Variants in TRIO observed in about 807,000 individuals in gnomAD.
The protein encoded by TRIO is trio Rho guanine nucleotide exchange factor.
In TRIO, 58 loss-of-function variants were observed where a neutral mutation model predicts 351.9. The observed-to-expected ratio is 0.16, with a 90% confidence interval of 0.13 to 0.21. TRIO has a LOEUF of 0.21. Among genes scored for constraint, TRIO ranks in the 10% least tolerant of loss-of-function variants. The pLI is 1.00. For synonymous variants in TRIO, 1,758 were observed against 1,595.7 expected (o/e 1.10, Z -2.42); for missense variants, 3,201 against 4,027.8 (o/e 0.79, Z 5.56).
intron 3 of TRIO, among the ~76,000 whole-genome samples, chr5:14,284,109 TAAG>T (rs1198910001): frequency 6.6e-6 from 1 of 152,226 alleles, no homozygotes; most frequent in Non-Finnish European, 1.5e-5. Context: ...AATACTCACA[TAAG>T]AAGATACTTT....
rs576816537 is a variant in TRIO, at chr5:14,347,001, T to A, written c.2046+10274T>A. Among the ~76,000 whole-genome samples the A allele has an allele frequency of 1.3e-5, 2 of 152,304 alleles. 1 individual carries two copies. The highest frequency in any genetic ancestry group is 4.1e-4 in the South Asian group (2 of 4,820). ...GATCAGACGTGCTGACTGACAAAGG[T>A]AGTGGTGGATGATGCTGGACCAGTC... is the stretch of plus-strand genomic sequence containing the variant. On this transcript the variant is annotated intron_variant, in intron 11 of 56. Transcript: ENST00000344204.
At chr5:14,177,066 T>C (rs940997534) in intron 1 of TRIO, among the ~76,000 whole-genome samples, 1 of 152,200 alleles carries the variant, frequency 6.6e-6, no homozygotes, top group African/African-American at 2.4e-5. Context: ...ATACTGTAAT[T>C]GGGTTCCATG....
At position 14,375,728 on chromosome 5, in the gene TRIO, T is replaced by C. The variant is rs1477392833; in HGVS notation, c.3331+1385T>C. ...GTATCCAAGAGGGCGCTTAGCACTG[T>C]TTGCTGCTCACTTGCCCGAAATTAG... On this transcript the variant is annotated intron_variant, in intron 19 of 56. Transcript: ENST00000344204. Among the ~76,000 whole-genome samples the C allele has an allele frequency of 5.9e-5, 9 of 152,184 alleles. No individual in the cohort carries two copies. The East Asian group carries it at 1.5e-3, about 26-fold the overall frequency.
At chr5:14,334,626 C>A (rs187432) in intron 10 of TRIO, among the ~76,000 whole-genome samples, 67,288 of 152,014 alleles carry the variant, frequency 0.44, 16,996 homozygotes, top group East Asian at 0.6. Context: ...TAGAAATGTG[C>A]GTCTGTGGCA....
chr5:14,406,150 C>T, intron 32 of TRIO, 160 bp downstream of exon 32: 1 of 1,084,360 alleles, frequency 9.2e-7, no homozygotes. Flanking sequence ...AATGAAACTG[C>T]TTTGTCAGAG....
At position 14,143,792 on chromosome 5, in the gene TRIO, G is replaced by A. The variant is rs566570633; in HGVS notation, c.67G>A (p.Ala23Thr). 280 of 1,037,030 alleles carry A rather than the reference G, an allele frequency of 2.7e-4. No homozygotes were observed. The African/African-American group carries it at 3.5e-3, about 13-fold the overall frequency. The allele number at this position is 1,037,030 out of a possible 1,614,324, so 64.2% of individuals were successfully genotyped here. Residue 23 changes from alanine (A) to threonine (T), a missense_variant, in exon 1 of 57, where the codon GCG (alanine) becomes ACG (threonine). Coordinates refer to ENST00000344204, the MANE Select transcript of TRIO (RefSeq NM_007118.4). ...CTCCGGCCCCGCCGCGGCGGCCAGCGCGGCTGGCTCGGGCTGCGGGGGCGG... is the reference window on the plus strand; with the variant it reads ...CTCCGGCCCCGCCGCGGCGGCCAGCACGGCTGGCTCGGGCTGCGGGGGCGG... ...ASSGPAAAAS[A>T]AGSGCGGGAG...
At chr5:14,451,517 T>A (rs1359328466) in intron 34 of TRIO, among the ~76,000 whole-genome samples, 2 of 152,272 alleles carry the variant, frequency 1.3e-5, no homozygotes, top group Non-Finnish European at 2.9e-5. Context: ...CACATTTGCC[T>A]TACAGCCTCC....
At chr5:14,183,778 C>A in intron 1 of TRIO, 1 of 558,764 alleles carries the variant, frequency 1.8e-6, no homozygotes. Flanking sequence ...TTACAGCATG[C>A]TGGCTGCTCC....
intron 11 of TRIO, among the ~76,000 whole-genome samples, chr5:14,350,448 G>A (rs554552525): frequency 2.1e-4 from 32 of 152,312 alleles, no homozygotes; most frequent in African/African-American, 7.7e-4. Context: ...TTTTAGACTT[G>A]ATACTGTTTG....
Position 14,143,785 on chromosome 5 carries a change from G to C in TRIO, c.60G>C (p.Ala20=). The C allele has an allele frequency of 2.9e-6, 3 of 1,028,344 alleles. No individual in the cohort carries two copies. The highest frequency in any genetic ancestry group is 3.5e-6 in the Non-Finnish European group (3 of 859,874). The allele number at this position is 1,028,344 out of a possible 1,614,324, so 63.7% of individuals were successfully genotyped here. A position where few individuals can be genotyped will look rare whatever the true frequency, so the allele number is the denominator to read the frequency against. ...CCGCGTCCTCCGGCCCCGCCGCGGC[G>C]GCCAGCGCGGCTGGCTCGGGCTGCG... The part of the protein sequence containing the change: ...APAASSGPAA[A]ASAAGSGCGG... Residue 20 remains alanine, a synonymous_variant, in exon 1 of 57, where the codon GCG becomes GCC. Coordinates refer to ENST00000344204, the MANE Select transcript of TRIO (RefSeq NM_007118.4).
chr5:14,485,381 T>C (rs753730314), intron 47 of TRIO, 135 bp downstream of exon 47: 42 of 913,848 alleles, frequency 4.6e-5, no homozygotes, highest in African/African-American at 6.8e-5. Flanking sequence ...TGCCTAGATA[T>C]TGCTTTATTT....
intron 47 of TRIO, 122 bp downstream of exon 47, chr5:14,485,368 C>G: frequency 9.7e-7 from 1 of 1,027,698 alleles, no homozygotes; most frequent in Non-Finnish European, 1.3e-6. Context: ...ACTCTTCAGG[C>G]ACTGCCTAGA....
At chr5:14,491,765 G>T (rs1290975015) in intron 48 of TRIO, among the ~76,000 whole-genome samples, 1 of 152,128 alleles carries the variant, frequency 6.6e-6, no homozygotes, top group African/African-American at 2.4e-5. Context: ...CAGGGGCAGC[G>T]GTATAAGGGT....
chr5:14,341,444 C>G (rs552540388), intron 11 of TRIO, among the ~76,000 whole-genome samples: 1 of 152,200 alleles, frequency 6.6e-6, no homozygotes, highest in Admixed American at 6.5e-5. Context: ...TCCTTGAAGC[C>G]CAGGACCATG....
intron 1 of TRIO, among the ~76,000 whole-genome samples, chr5:14,210,200 G>T (rs1423747763): frequency 1.3e-5 from 2 of 152,248 alleles, no homozygotes; most frequent in Admixed American, 1.3e-4. Context: ...GAAGTTCTGT[G>T]TAGAAGGTTG....
At chr5:14,389,484 T>C in intron 25 of TRIO, 86 bp downstream of exon 25, 1 of 933,856 alleles carries the variant, frequency 1.1e-6, no homozygotes, top group Non-Finnish European at 1.6e-6. Flanking sequence ...TCCCATTGAA[T>C]TAAGCAGATT....
At chr5:14,364,555 A>G in intron 14 of TRIO, 95 bp from the exon 15 acceptor site, 2 of 1,461,374 alleles carry the variant, frequency 1.4e-6, no homozygotes, top group Non-Finnish European at 9.3e-7. Flanking sequence ...AGCTGGGCAG[A>G]TCATTCACAA....
chr5:14,456,332 G>A (rs529512294), intron 34 of TRIO, among the ~76,000 whole-genome samples: 3 of 152,404 alleles, frequency 2.0e-5, no homozygotes, highest in South Asian at 4.1e-4. Flanking sequence ...CAGTGCAGCG[G>A]TGGGCTGAAG....
intron 3 of TRIO, among the ~76,000 whole-genome samples, chr5:14,281,424 A>ACCCCCC (rs3061076): frequency 1.1e-5 from 1 of 89,336 alleles, no homozygotes; most frequent in African/African-American, 4.7e-5. Flanking sequence ...AGCCGTTAGA[A>ACCCCCC]CCCCCCCCCC....
Sources: allele counts gnomAD v4.1 joint callset (sites outside exome capture counted in the v4.1 genomes callset), GRCh38; gene constraint gnomAD v4.1.1; transcripts MANE v1.5; gene names NCBI Gene and HGNC (gene_info 2026-07-23, HGNC 2026-07-21).